SMYD3: variants seen among roughly 807,000 people sequenced by gnomAD.
The protein encoded by SMYD3 is SET and MYND domain containing 3.
A neutral mutation model predicts 57.7 loss-of-function variants in SMYD3; 36 were observed. The observed-to-expected ratio is 0.62, with a 90% CI of 0.48 to 0.82. The LOEUF is 0.82. SMYD3 is among the 40% of genes least tolerant of loss of function. The probability of loss-of-function intolerance (pLI) is 0.00; values close to 1 mark genes in which losing one functional copy is unlikely to be tolerated. For missense variants in SMYD3, 515 were observed against 538.8 expected, an observed-to-expected ratio of 0.96 and a Z score of 0.44; for synonymous variants, 211 against 195.0, an observed-to-expected ratio of 1.08 and a Z score of -0.68.
At chr1:245,924,086 C>A (rs1391698515) in intron 7 of SMYD3, among the ~76,000 whole-genome samples, 2 of 152,206 alleles carry the variant, frequency 1.3e-5, no homozygotes, top group African/African-American at 4.8e-5. Context: ...CAGCCAATGG[C>A]ATTATTTGTA....
intron 8 of SMYD3, among the ~76,000 whole-genome samples, chr1:245,891,299 C>T (rs746837014): frequency 3.3e-5 from 5 of 152,208 alleles, no homozygotes; most frequent in Non-Finnish European, 5.9e-5. Context: ...ATGATTATTA[C>T]ACATTGTATG....
chr1:246,398,371 G>C (rs1264494219), intron 1 of SMYD3, among the ~76,000 whole-genome samples: 6 of 152,252 alleles, frequency 3.9e-5, no homozygotes, highest in Admixed American at 2.0e-4. Context: ...AATGGGCAAG[G>C]ACAGCCCGCC....
chr1:246,370,546 T>A (rs1382499611), intron 1 of SMYD3, among the ~76,000 whole-genome samples: 1 of 152,152 alleles, frequency 6.6e-6, no homozygotes, highest in Non-Finnish European at 1.5e-5. Flanking sequence ...TGGGAATAAG[T>A]GACTTACTCA....
At chr1:245,898,679 T>TG (rs1162804916) in intron 8 of SMYD3, among the ~76,000 whole-genome samples, 8 of 152,360 alleles carry the variant, frequency 5.3e-5, no homozygotes, top group African/African-American at 1.7e-4. Flanking sequence ...AACAGAGCTT[T>TG]GATAGACTGA....
At chr1:246,474,082 A>C (rs79325295) in intron 1 of SMYD3, among the ~76,000 whole-genome samples, 2,458 of 152,342 alleles carry the variant, frequency 0.016, 30 homozygotes, top group Non-Finnish European at 0.024. Context: ...CTAATAGTTA[A>C]CATCTAAATA....
chr1:246,043,913 G>T (rs7520201), intron 5 of SMYD3, among the ~76,000 whole-genome samples: 70,567 of 151,810 alleles, frequency 0.46, 17,845 homozygotes, highest in East Asian at 0.8. Context: ...CAACAGTTTC[G>T]GGGATCTCCA....
chr1:245,789,740 A>T (rs1236684615), intron 10 of SMYD3, among the ~76,000 whole-genome samples: 3 of 152,158 alleles, frequency 2.0e-5, no homozygotes, highest in Non-Finnish European at 1.5e-5. Flanking sequence ...TGCTCCCAAA[A>T]CATTGTTGGG....
intron 4 of SMYD3, among the ~76,000 whole-genome samples, chr1:246,328,959 C>A (rs992414155): frequency 5.9e-5 from 9 of 151,584 alleles, no homozygotes; most frequent in South Asian, 2.1e-4. Flanking sequence ...TTTGTCCTTG[C>A]AATAGTTTAC....
At chr1:246,067,429 C>G (rs895723105) in intron 5 of SMYD3, among the ~76,000 whole-genome samples, 2 of 152,234 alleles carry the variant, frequency 1.3e-5, no homozygotes, top group East Asian at 3.9e-4. Flanking sequence ...AATAAAAAGT[C>G]TAGTCAGGAA....
chr1:246,049,672 T>A (rs1158714103), intron 5 of SMYD3, among the ~76,000 whole-genome samples: 1 of 152,104 alleles, frequency 6.6e-6, no homozygotes, highest in Non-Finnish European at 1.5e-5. Flanking sequence ...GCTGTGCCAG[T>A]TCAGCTAGGC....
intron 10 of SMYD3, among the ~76,000 whole-genome samples, chr1:245,772,532 G>T (rs2046379300): frequency 6.6e-6 from 1 of 152,098 alleles, no homozygotes; most frequent in African/African-American, 2.4e-5. Flanking sequence ...GCTTGGTGTT[G>T]CACAGCTGTG....
intron 5 of SMYD3, among the ~76,000 whole-genome samples, chr1:246,069,611 A>G (rs1004253851): frequency 6.6e-6 from 1 of 152,200 alleles, no homozygotes; most frequent in Non-Finnish European, 1.5e-5. Context: ...TCAAGAAAGA[A>G]AGCCAACATA....
intron 1 of SMYD3, among the ~76,000 whole-genome samples, chr1:246,453,316 T>C (rs1307296862): frequency 2.0e-5 from 3 of 152,198 alleles, no homozygotes; most frequent in Non-Finnish European, 4.4e-5. Context: ...AGTATCCATA[T>C]ATGCAGATGA....
At chr1:245,824,454 C>T (rs1340403529) in intron 10 of SMYD3, among the ~76,000 whole-genome samples, 2 of 152,214 alleles carry the variant, frequency 1.3e-5, no homozygotes, top group East Asian at 1.9e-4. Flanking sequence ...CAGTGGCTCA[C>T]GCCTGTAATC....
intron 5 of SMYD3, among the ~76,000 whole-genome samples, chr1:246,269,833 A>G (rs1458951766): frequency 6.6e-6 from 1 of 152,068 alleles, no homozygotes; most frequent in Non-Finnish European, 1.5e-5. Context: ...TCAGCCTCCC[A>G]AAGTGCTGGG....
At chr1:246,266,770 CGAAAGAAAGACA>C (rs1312731325) in intron 5 of SMYD3, among the ~76,000 whole-genome samples, 1 of 147,848 alleles carries the variant, frequency 6.8e-6, no homozygotes. Context: ...GCACTCCAGC[CGAAAGAAAGACA>C]GAAAGAAAGA....
At chr1:246,124,742 A>G (rs904417245) in intron 5 of SMYD3, among the ~76,000 whole-genome samples, 1 of 152,206 alleles carries the variant, frequency 6.6e-6, no homozygotes, top group Non-Finnish European at 1.5e-5. Flanking sequence ...GCTAGAATAT[A>G]TCTTGGTTGA....
rs905879137 is a variant in SMYD3, at chr1:245,848,557, A to C, written c.1076+9939T>G. ...TCAAATAGCTGGGACTACAGGCACCAACCACCACCACGCCCATCTACTTTT... is the reference window on the plus strand; with the variant it reads ...TCAAATAGCTGGGACTACAGGCACCCACCACCACCACGCCCATCTACTTTT... On this transcript the variant is annotated intron_variant, in intron 10 of 11. Transcript: ENST00000490107. Among the ~76,000 whole-genome samples the C allele has an allele frequency of 9.9e-5, 15 of 152,098 alleles. 1 individual carries two copies. The East Asian group carries it at 1.8e-3, about 18-fold the overall frequency.
intron 5 of SMYD3, among the ~76,000 whole-genome samples, chr1:246,214,568 C>T (rs374007935): frequency 6.6e-6 from 1 of 151,918 alleles, no homozygotes; most frequent in African/African-American, 2.4e-5. Context: ...AAATAGCATG[C>T]CAAAGTAAGT....
Sources: allele counts gnomAD v4.1 joint callset (sites outside exome capture counted in the v4.1 genomes callset), GRCh38; gene constraint gnomAD v4.1.1; transcripts MANE v1.5; gene names NCBI Gene and HGNC (gene_info 2026-07-23, HGNC 2026-07-21).